Variants in HSD17B14 observed in about 807,000 individuals in gnomAD.
HSD17B14 encodes L-fucose dehydrogenase.
A neutral mutation model predicts 32.2 loss-of-function variants in HSD17B14; 32 were observed. The ratio of observed to expected loss-of-function variants is 0.99; its 90% confidence interval spans 0.75 to 1.33. The LOEUF (loss-of-function observed/expected upper bound fraction) is 1.33, where lower values mean the gene tolerates loss of function less well. Ranked by LOEUF, HSD17B14 falls within the 40% of genes most tolerant of loss-of-function variation. The pLI is 0.00. For synonymous variants in HSD17B14, 140 were observed against 155.4 expected (o/e 0.90, Z 0.74); for missense variants, 370 against 366.5 (o/e 1.01, Z -0.08).
At chr19:48,835,364 G>A (rs1321210302) in intron 2 of HSD17B14, among the ~76,000 whole-genome samples, 6 of 122,754 alleles carry the variant, frequency 4.9e-5, no homozygotes, top group African/African-American at 1.3e-4. Flanking sequence ...GTCTGAGGGA[G>A]GAGGGGCTGA....
intron 5 of HSD17B14, among the ~76,000 whole-genome samples, chr19:48,818,423 C>T (rs1340512859): frequency 6.6e-6 from 1 of 152,042 alleles, no homozygotes; most frequent in African/African-American, 2.4e-5. Flanking sequence ...TCATCCTCGC[C>T]TCCTCTCACT....
chr19:48,820,991 C>A (rs1056291342), intron 5 of HSD17B14, among the ~76,000 whole-genome samples: 1 of 151,212 alleles, frequency 6.6e-6, no homozygotes, highest in African/African-American at 2.4e-5. Context: ...CGTGAGCCAC[C>A]CCACCCAGCC....
At chr19:48,836,290 A>G (rs747361962) in intron 1 of HSD17B14, 34 bp downstream of exon 1, 1 of 1,582,918 alleles carries the variant, frequency 6.3e-7, no homozygotes, top group South Asian at 1.1e-5. Flanking sequence ...CCTTTCTCAC[A>G]CTCCACAGCT....
intron 5 of HSD17B14, among the ~76,000 whole-genome samples, chr19:48,828,888 C>T (rs574523452): frequency 3.8e-4 from 57 of 151,896 alleles, no homozygotes; most frequent in Non-Finnish European, 7.1e-4. Context: ...GGTGAAACCT[C>T]GTCTCTACTA....
chr19:48,814,568 G>A (rs837626), intron 6 of HSD17B14, among the ~76,000 whole-genome samples: 4,377 of 141,578 alleles, frequency 0.031, 208 homozygotes, highest in African/African-American at 0.11. Flanking sequence ...TCTGCTGGGT[G>A]CGGTGGCTCA....
In HSD17B14 at chr19:48,816,477, C is replaced by T. The variant is rs1005803977; in HGVS notation, c.370-1336G>A. On this transcript the variant is annotated intron_variant, in intron 5 of 8. Coordinates refer to ENST00000263278, the MANE Select transcript of HSD17B14 (RefSeq NM_016246.3). ...CTTTTCCTAAGAGAGCCACATGACC[C>T]ACTCTTAGGGTGGCCAGCCATCCCA... is the stretch of plus-strand genomic sequence containing the variant. Among the ~76,000 whole-genome samples the T allele has an allele frequency of 1.4e-4, 21 of 152,176 alleles. 1 individual carries two copies. Among genetic ancestry groups the T allele is most frequent in the Admixed American group, 1.1e-3 (17 of 15,266 alleles).
intron 5 of HSD17B14, among the ~76,000 whole-genome samples, chr19:48,817,298 C>A (rs538431948): frequency 2.4e-4 from 36 of 151,840 alleles, no homozygotes; most frequent in African/African-American, 8.7e-4. Context: ...CTGCCTCAGT[C>A]TCCTGAGTAG....
At chr19:48,821,608 A>G (rs1325657561) in intron 5 of HSD17B14, among the ~76,000 whole-genome samples, 1 of 151,686 alleles carries the variant, frequency 6.6e-6, no homozygotes, top group Non-Finnish European at 1.5e-5. Context: ...GAGAGAAGAG[A>G]AAAAAAGAGA....
Position 48,813,449 on chromosome 19 carries a change from C to A in HSD17B14, c.639+7G>T. On this transcript the variant is annotated splice_region_variant and intron_variant, in intron 8 of 8. Transcript: ENST00000263278. ...TTCTACCACCTGGATCTGAACCCCACTTCTACCTGGGCCAGCATGCCCTCT... is the reference window on the plus strand; with the variant it reads ...TTCTACCACCTGGATCTGAACCCCAATTCTACCTGGGCCAGCATGCCCTCT... The A allele has an allele frequency of 6.2e-7, 1 of 1,604,606 alleles. No homozygotes were observed. The highest frequency in any genetic ancestry group is 2.2e-5 in the East Asian group (1 of 44,674).
At chr19:48,820,167 C>A (rs2035121731) in intron 5 of HSD17B14, among the ~76,000 whole-genome samples, 1 of 151,596 alleles carries the variant, frequency 6.6e-6, no homozygotes, top group Admixed American at 6.6e-5. Context: ...TAACAAAAAA[C>A]AAACCGAAAA....
chr19:48,816,022 G>GAAAAAAA (rs71179053), intron 5 of HSD17B14, among the ~76,000 whole-genome samples: 3 of 74,298 alleles, frequency 4.0e-5, no homozygotes, highest in African/African-American at 4.3e-5. Context: ...CTCCGTTTCA[G>GAAAAAAA]AAAAAAAAAA....
At chr19:48,827,035 T>C (rs955588033) in intron 5 of HSD17B14, among the ~76,000 whole-genome samples, 6 of 150,370 alleles carry the variant, frequency 4.0e-5, no homozygotes, top group African/African-American at 7.3e-5. Context: ...AGAACAAACC[T>C]AAAACCCCAC....
intron 3 of HSD17B14, among the ~76,000 whole-genome samples, chr19:48,833,474 C>T (rs181389320): frequency 1.3e-5 from 2 of 152,042 alleles, no homozygotes; most frequent in East Asian, 3.9e-4. Context: ...GGCGGATCAC[C>T]TGAGGTCAGG....
chr19:48,827,119 C>A (rs1288781191), intron 5 of HSD17B14, among the ~76,000 whole-genome samples: 1 of 151,248 alleles, frequency 6.6e-6, no homozygotes, highest in East Asian at 2.0e-4. Context: ...CTCAGCTCAC[C>A]TCAACCTCTG....
At chr19:48,830,617 C>T (rs1250166736) in intron 5 of HSD17B14, among the ~76,000 whole-genome samples, 1 of 152,008 alleles carries the variant, frequency 6.6e-6, no homozygotes, top group African/African-American at 2.4e-5. Context: ...CTATAACTCG[C>T]TCGGTTACAA....
At chr19:48,825,883 C>G (rs368187147) in intron 5 of HSD17B14, among the ~76,000 whole-genome samples, 1 of 151,818 alleles carries the variant, frequency 6.6e-6, no homozygotes, top group Non-Finnish European at 1.5e-5. Flanking sequence ...TGCAGTGGCG[C>G]GATCTCGGCT....
At chr19:48,828,096 C>T (rs1199880880) in intron 5 of HSD17B14, among the ~76,000 whole-genome samples, 12 of 152,208 alleles carry the variant, frequency 7.9e-5, no homozygotes, top group Admixed American at 3.9e-4. Flanking sequence ...CCTCGTGATC[C>T]GCCGGCCTCG....
At chr19:48,815,012 A>G in intron 6 of HSD17B14, 25 bp downstream of exon 6, 1 of 1,567,224 alleles carries the variant, frequency 6.4e-7, no homozygotes, top group Non-Finnish European at 8.8e-7. Context: ...GTAGGGAGGG[A>G]AGGAAGGGGT....
At chr19:48,817,976 C>A (rs2035084218) in intron 5 of HSD17B14, among the ~76,000 whole-genome samples, 2 of 152,088 alleles carry the variant, frequency 1.3e-5, no homozygotes, top group Admixed American at 1.3e-4. Context: ...AGGCTGAGAC[C>A]CAAACCCATA....
Sources: allele counts gnomAD v4.1 joint callset (sites outside exome capture counted in the v4.1 genomes callset), GRCh38; gene constraint gnomAD v4.1.1; transcripts MANE v1.5; gene names NCBI Gene and HGNC (gene_info 2026-07-23, HGNC 2026-07-21).